The following DGLUCY variants were observed in gnomAD, a reference collection of about 807,000 sequenced individuals.
DGLUCY encodes the protein D-glutamate cyclase, also known as D-glutamate cyclase, mitochondrial.
DGLUCY carries 58 observed loss-of-function variants against 58.5 expected under a neutral mutation model. That is an observed-to-expected ratio of 0.99 (90% confidence interval 0.80 to 1.23). DGLUCY has a LOEUF of 1.23. DGLUCY is among the 50% of genes most tolerant of loss of function. DGLUCY has a pLI of 0.00. For missense variants in DGLUCY, 779 were observed against 784.7 expected (o/e 0.99, Z 0.09); for synonymous variants, 325 against 314.1 (o/e 1.03, Z -0.37).
intron 1 of DGLUCY, among the ~76,000 whole-genome samples, chr14:91,092,571 G>A (rs181743633): frequency 6.6e-6 from 1 of 152,338 alleles, no homozygotes; most frequent in Admixed American, 6.5e-5. Flanking sequence ...TTGAGAAACA[G>A]TAGTGCCTGT....
At chr14:91,202,724 C>T (rs367971679) in intron 11 of DGLUCY, among the ~76,000 whole-genome samples, 8 of 152,272 alleles carry the variant, frequency 5.3e-5, no homozygotes, top group Admixed American at 1.3e-4. Flanking sequence ...AGAGCAATCC[C>T]GTCCTCCCAC....
At chr14:91,145,400 A>T (rs1021439566) in intron 1 of DGLUCY, 1 of 152,250 alleles carries the variant, frequency 6.6e-6, no homozygotes, top group African/African-American at 2.4e-5. Context: ...ACCCTTCTGC[A>T]TGGTGTACCC....
Position 91,062,598 on chromosome 14 carries a change from TATATATATATATAA to T in DGLUCY, c.-82+1896_-82+1909del, listed in dbSNP as rs1358878524. On this transcript the variant is annotated intron_variant, in intron 1 of 4. Coordinates refer to the DGLUCY transcript ENST00000521334. ...ATATATATATATATATATATATATATATATATATATATAAACAATCCTTAGCTCAAGGGCAGTTA... is the reference window on the plus strand; with the variant it reads ...ATATATATATATATATATATATATATACAATCCTTAGCTCAAGGGCAGTTA... Among the ~76,000 whole-genome samples the T allele has an allele frequency of 7.8e-3, 227 of 29,232 alleles. 21 individuals are homozygous for T. The highest frequency in any genetic ancestry group is 0.046 in the East Asian group (74 of 1,600). The allele number at this position is 29,232 out of a possible 152,430, so 19.2% of individuals were successfully genotyped here.
In DGLUCY at chr14:91,178,131, G is replaced by T. The variant is rs77167085; in HGVS notation, c.730+2075G>T. Among the ~76,000 whole-genome samples, 129 of 152,214 alleles carry T rather than the reference G, an allele frequency of 8.5e-4. 1 individual carries two copies. In the East Asian group the frequency reaches 0.011, roughly 13 times the overall value. On this transcript the variant is annotated intron_variant, in intron 7 of 13. Coordinates refer to ENST00000256324, the MANE Select transcript of DGLUCY (RefSeq NM_001102368.3). Reference sequence around the variant, plus strand: ...CAATTGATCGTAGATGAGAACAAATGACATCAGAGAGGGACAATCTTGAAT... The same window carrying T: ...CAATTGATCGTAGATGAGAACAAATTACATCAGAGAGGGACAATCTTGAAT...
At chr14:91,205,319 A>G (rs1884370645) in intron 12 of DGLUCY, among the ~76,000 whole-genome samples, 1 of 152,034 alleles carries the variant, frequency 6.6e-6, no homozygotes, top group Non-Finnish European at 1.5e-5. Flanking sequence ...CCTTTCACCT[A>G]CTTCTGCCTT....
exon 1 of DGLUCY, chr14:91,060,455 C>T (rs2043620026): frequency 1.4e-6 from 2 of 1,430,098 alleles, no homozygotes; most frequent in South Asian, 1.5e-5. Flanking sequence ...TTTTCCGATC[C>T]CGCGGGTCGC....
At chr14:91,143,860 A>G (rs1192067346) in intron 1 of DGLUCY, among the ~76,000 whole-genome samples, 3 of 152,126 alleles carry the variant, frequency 2.0e-5, no homozygotes, top group Non-Finnish European at 2.9e-5. Context: ...TGCCACATGA[A>G]AAAACGGAGA....
rs113027925 is a variant in DGLUCY at position 91,185,259 on chromosome 14, G to A, written c.935-3651G>A. Among the ~76,000 whole-genome samples, 192 of 140,842 alleles carry A rather than the reference G, an allele frequency of 1.4e-3. 2 individuals are homozygous for A. Among genetic ancestry groups the A allele is most frequent in the African/African-American group, 4.6e-3 (175 of 37,790 alleles). 92.4% of individuals were successfully genotyped at this position (140,842 alleles called of 152,430 possible). A position where few individuals can be genotyped will look rare whatever the true frequency, so the allele number is the denominator to read the frequency against. ...GCTGGGATTACAGGTGTGAGCCACC[G>A]TGCCCAGCCGGATTTTTTTTTTTTT... On this transcript the variant is annotated intron_variant, in intron 8 of 13. Transcript: ENST00000256324.
chr14:91,137,466 A>G (rs1372356662), intron 1 of DGLUCY, among the ~76,000 whole-genome samples: 1 of 150,696 alleles, frequency 6.6e-6, no homozygotes, highest in Admixed American at 6.6e-5. Context: ...GCTCACTGCA[A>G]CCTCCACCTT....
intron 13 of DGLUCY, among the ~76,000 whole-genome samples, chr14:91,217,013 C>T (rs879424018): frequency 3.9e-5 from 6 of 152,206 alleles, no homozygotes; most frequent in Admixed American, 2.0e-4. Context: ...GAGCAAGCTC[C>T]GCCCCCAACA....
chr14:91,196,153 G>A (rs2050192522), intron 9 of DGLUCY, among the ~76,000 whole-genome samples: 2 of 152,118 alleles, frequency 1.3e-5, no homozygotes, highest in South Asian at 2.1e-4. Flanking sequence ...GTGTTAGCCC[G>A]ATTCTGCCCT....
Position 91,223,576 on chromosome 14 carries a change from C to G in DGLUCY, c.1717-1108C>G, listed in dbSNP as rs146449738. The stretch of plus-strand genomic sequence containing the variant: ...GGGAACCTGAGCTGTTCACTAGGGA[C>G]AGACACATTAGTGGCTTGGGCAAGT... On this transcript the variant is annotated intron_variant, in intron 13 of 13. Transcript: ENST00000256324. 296 of 931,320 alleles carry G rather than the reference C, an allele frequency of 3.2e-4. 1 individual carries two copies. In the African/African-American group the frequency reaches 5.0e-3, roughly 16 times the overall value. The allele number at this position is 931,320 out of a possible 1,614,324, so 57.7% of individuals were successfully genotyped here.
At chr14:91,060,916 G>A (rs957357355) in intron 1 of DGLUCY, 1 of 153,252 alleles carries the variant, frequency 6.5e-6, no homozygotes, top group African/African-American at 2.4e-5. Context: ...CATTTCCTCT[G>A]GTGCGCACTC....
At chr14:91,206,876 A>G (rs1884790579) in intron 12 of DGLUCY, among the ~76,000 whole-genome samples, 1 of 152,166 alleles carries the variant, frequency 6.6e-6, no homozygotes, top group Admixed American at 6.5e-5. Context: ...CTTCACTGCA[A>G]AAAATAGGCA....
intron 1 of DGLUCY, among the ~76,000 whole-genome samples, chr14:91,145,806 G>A (rs1222103756): frequency 6.6e-6 from 1 of 152,182 alleles, no homozygotes; most frequent in African/African-American, 2.4e-5. Flanking sequence ...TGACCATGGA[G>A]GCCGAGGTCA....
At chr14:91,150,967 A>C (rs1423666942) in intron 1 of DGLUCY, among the ~76,000 whole-genome samples, 1 of 151,540 alleles carries the variant, frequency 6.6e-6, no homozygotes, top group Non-Finnish European at 1.5e-5. Flanking sequence ...CCCATTCCCC[A>C]CCCCATCTCC....
At chr14:91,218,548 G>A (rs1055783696) in intron 13 of DGLUCY, among the ~76,000 whole-genome samples, 14 of 151,866 alleles carry the variant, frequency 9.2e-5, no homozygotes, top group East Asian at 2.0e-4. Context: ...GATTACAGGC[G>A]CGCACCACCA....
chr14:91,121,028 T>A (rs1420110918), intron 1 of DGLUCY, among the ~76,000 whole-genome samples: 6 of 152,174 alleles, frequency 3.9e-5, no homozygotes, highest in Admixed American at 3.9e-4. Context: ...TCTCTTTGTC[T>A]ATCTTCCCAG....
chr14:91,162,539 G>T (rs2048049319), intron 3 of DGLUCY, among the ~76,000 whole-genome samples: 1 of 152,088 alleles, frequency 6.6e-6, no homozygotes, highest in Non-Finnish European at 1.5e-5. Flanking sequence ...GGACTTTTCT[G>T]TTCATCTCCA....
Sources: allele counts gnomAD v4.1 joint callset (sites outside exome capture counted in the v4.1 genomes callset), GRCh38; gene constraint gnomAD v4.1.1; transcripts MANE v1.5; gene names NCBI Gene and HGNC (gene_info 2026-07-23, HGNC 2026-07-21).